The following PIK3AP1 variants were observed in gnomAD, a reference collection of about 807,000 sequenced individuals.
PIK3AP1 encodes phosphoinositide-3-kinase adaptor protein 1.
PIK3AP1 carries 21 observed loss-of-function variants against 88.1 expected under a neutral mutation model. That is an observed-to-expected ratio of 0.24 (90% CI 0.17 to 0.34). The LOEUF is 0.34. Among genes scored for constraint, PIK3AP1 ranks in the 10% least tolerant of loss-of-function variants. The pLI is 1.00. For synonymous variants in PIK3AP1, 398 were observed against 400.0 expected, an observed-to-expected ratio of 1.00 and a Z score of 0.06; for missense variants, 828 against 1,035.7, an observed-to-expected ratio of 0.80 and a Z score of 2.75.
intron 10 of PIK3AP1, among the ~76,000 whole-genome samples, chr10:96,626,247 T>A (rs1311624197): frequency 6.6e-6 from 1 of 152,172 alleles, no homozygotes; most frequent in South Asian, 2.1e-4. Context: ...ACTCCCTGAT[T>A]TTGGCTTTGC....
intron 8 of PIK3AP1, 137 bp from the exon 9 acceptor site, chr10:96,628,630 T>A (rs2134209063): frequency 1.4e-6 from 1 of 731,918 alleles, no homozygotes; most frequent in South Asian, 1.7e-5. Flanking sequence ...CCTCCATCCA[T>A]CCACCTACTC....
intron 11 of PIK3AP1, chr10:96,621,712 T>C (rs1843086482): frequency 6.6e-6 from 1 of 152,296 alleles, no homozygotes; most frequent in African/African-American, 2.4e-5. Flanking sequence ...CACCATTTGG[T>C]GTTTTCTTGA....
At chr10:96,598,655 T>G (rs947683086) in intron 16 of PIK3AP1, among the ~76,000 whole-genome samples, 3 of 152,042 alleles carry the variant, frequency 2.0e-5, no homozygotes, top group Non-Finnish European at 2.9e-5. Flanking sequence ...ATTATTAGAG[T>G]ATAGAATATA....
intron 2 of PIK3AP1, among the ~76,000 whole-genome samples, chr10:96,657,208 C>A (rs1843626985): frequency 1.3e-5 from 2 of 152,112 alleles, no homozygotes; most frequent in South Asian, 4.1e-4. Flanking sequence ...TAGTCTTAAC[C>A]AATGGGTTTC....
chr10:96,689,392 G>A lies in PIK3AP1; in HGVS notation c.430+20175C>T, dbSNP rs201641307. Among the ~76,000 whole-genome samples, 31 of 150,406 alleles carry A rather than the reference G, an allele frequency of 2.1e-4. No homozygotes were observed. The East Asian group carries it at 3.1e-3, about 15-fold the overall frequency. ...ATCCTGGCTAACATGATGAAACCCC[G>A]TCTCTACTAAAAATACAAAAAAAAA... On this transcript the variant is annotated intron_variant, in intron 2 of 16. Transcript: ENST00000339364.
intron 2 of PIK3AP1, among the ~76,000 whole-genome samples, chr10:96,668,062 A>C (rs1843790354): frequency 6.6e-6 from 1 of 152,234 alleles, no homozygotes; most frequent in African/African-American, 2.4e-5. Context: ...GAATTGACTT[A>C]AAGAAAATAT....
intron 2 of PIK3AP1, among the ~76,000 whole-genome samples, chr10:96,690,438 T>A (rs1286762423): frequency 6.6e-6 from 1 of 151,534 alleles, no homozygotes. Context: ...AATTTTTTAT[T>A]TTTTTTGTAG....
chr10:96,601,552 G>T (rs1848895956), intron 16 of PIK3AP1, among the ~76,000 whole-genome samples: 1 of 151,306 alleles, frequency 6.6e-6, no homozygotes, highest in Non-Finnish European at 1.5e-5. Context: ...AGCTGCTGGA[G>T]ACTTGACCCC....
At chr10:96,637,347 C>CAT (rs1199694247) in intron 8 of PIK3AP1, among the ~76,000 whole-genome samples, 5 of 151,140 alleles carry the variant, frequency 3.3e-5, no homozygotes, top group Non-Finnish European at 7.4e-5. Context: ...CACACACACA[C>CAT]ACACACACAC....
chr10:96,633,090 C>G (rs1843268373), intron 8 of PIK3AP1: 4 of 1,549,242 alleles, frequency 2.6e-6, no homozygotes, highest in Non-Finnish European at 3.5e-6. Context: ...CTCATAGCAA[C>G]TCCAGAGGCG....
In PIK3AP1 at chr10:96,609,867, T is replaced by G; in HGVS notation, c.2015A>C (p.Asp672Ala). The G allele has an allele frequency of 6.2e-7, 1 of 1,613,912 alleles. No individual in the cohort carries two copies. The highest frequency in any genetic ancestry group is 2.2e-5 in the East Asian group (1 of 44,878). ...CCGAATTGGGACCGTGATCTCCAAG[T>G]CTGGAATTGGAGGAAAGAGGGATAA... is the stretch of plus-strand genomic sequence containing the variant. The part of the protein sequence containing the change: ...REKQKSGKQT[D>A]LEITVPIRHS... The change falls in exon 14 of 17, where the codon GAC (aspartate) becomes GCC (alanine). Residue 672 changes from aspartate to alanine, a missense_variant and splice_region_variant. Physicochemically the swap from Asp to Ala is moderately radical, Grantham distance 126. This residue lies in a region of PIK3AP1 where 191 missense variants were observed against 208.6 expected (regional missense o/e 0.92). Transcript: ENST00000339364.
At chr10:96,623,626 C>T (rs772759653) in intron 10 of PIK3AP1, 89 bp from the exon 11 acceptor site, 15 of 1,122,552 alleles carry the variant, frequency 1.3e-5, no homozygotes, top group South Asian at 5.3e-5. Flanking sequence ...CTAGGACCAC[C>T]GTATGTGGTT....
chr10:96,630,723 GC>G lies in PIK3AP1; in HGVS notation c.1376-2231del, dbSNP rs1407981279. Among the ~76,000 whole-genome samples, 8 of 152,078 alleles carry G rather than the reference GC, an allele frequency of 5.3e-5. No homozygotes were observed. In the East Asian group the frequency reaches 1.5e-3, roughly 29 times the overall value. ...CTGGGCATGGTGGTGCAGGCCTATA[GC>G]CCCATCTATTCAGGAGGCTGGGGTG... is the stretch of plus-strand genomic sequence containing the variant. On this transcript the variant is annotated intron_variant, in intron 8 of 16. Coordinates refer to ENST00000339364, the MANE Select transcript of PIK3AP1 (RefSeq NM_152309.3).
In PIK3AP1 at chr10:96,614,294, A is replaced by C. The variant is rs148504322; in HGVS notation, c.2014+2345T>G. On this transcript the variant is annotated intron_variant, in intron 13 of 16. Coordinates refer to ENST00000339364, the MANE Select transcript of PIK3AP1 (RefSeq NM_152309.3). ...AATGTCTCATTCCATCAAGGCTTCT[A>C]TCTTTGGGCGCATGGACTCTAGTTT... Among the ~76,000 whole-genome samples the C allele has an allele frequency of 3.0e-3, 454 of 152,200 alleles. 4 individuals are homozygous for C. Among genetic ancestry groups the C allele is most frequent in the African/African-American group, 0.011 (443 of 41,536 alleles).
Position 96,625,752 on chromosome 10 carries a change from T to C in PIK3AP1, c.1669+956A>G, listed in dbSNP as rs144381507. ...TCCAGAGCACAGATCTGGCAATTCT[T>C]ATTTATTCTTTTTTCAGACAGAGTC... On this transcript the variant is annotated intron_variant, in intron 10 of 16. Coordinates refer to ENST00000339364, the MANE Select transcript of PIK3AP1 (RefSeq NM_152309.3). Among the ~76,000 whole-genome samples, 653 of 152,154 alleles carry C rather than the reference T, an allele frequency of 4.3e-3. 5 individuals are homozygous for C. The highest frequency in any genetic ancestry group is 4.2e-3 in the Non-Finnish European group (288 of 67,978).
Position 96,609,739 on chromosome 10 carries a change from T to G in PIK3AP1, c.2143A>C (p.Lys715Gln), listed in dbSNP as rs746693358. Residue 715 changes from lysine to glutamine, a missense_variant, in exon 14 of 17, where the codon AAA becomes CAA. Coordinates refer to ENST00000339364, the MANE Select transcript of PIK3AP1 (RefSeq NM_152309.3). ...PRTELRRGDW[K>Q]TDSTSSTASS... ...GCTGTGCTGGAGGTGCTGTCTGTTT[T>G]CCAGTCTCCTCGTCTCAGCTCCGTC... 6.8e-6 allele frequency: 11 copies of G among 1,613,950 alleles called. No individual in the cohort carries two copies. The highest frequency in any genetic ancestry group is 1.6e-4 in the Middle Eastern group (1 of 6,080).
intron 13 of PIK3AP1, among the ~76,000 whole-genome samples, chr10:96,614,439 A>G (rs896478222): frequency 6.6e-6 from 1 of 151,456 alleles, no homozygotes; most frequent in African/African-American, 2.4e-5. Context: ...AACCAGGAGG[A>G]CAGACAAGTG....
chr10:96,610,742 A>G (rs1195476341), intron 13 of PIK3AP1, among the ~76,000 whole-genome samples: 1 of 152,100 alleles, frequency 6.6e-6, no homozygotes, highest in Non-Finnish European at 1.5e-5. Flanking sequence ...TCCTCCCTAC[A>G]TTTCCAATGC....
At chr10:96,613,218 C>G (rs1025754569) in intron 13 of PIK3AP1, among the ~76,000 whole-genome samples, 1 of 151,692 alleles carries the variant, frequency 6.6e-6, no homozygotes, top group Non-Finnish European at 1.5e-5. Flanking sequence ...AGGCTGCTCT[C>G]GAACTCCTGG....
Sources: allele counts gnomAD v4.1 joint callset (sites outside exome capture counted in the v4.1 genomes callset), GRCh38; gene constraint gnomAD v4.1.1; regional missense constraint gnomAD v4.1.1; transcripts MANE v1.5; gene names NCBI Gene and HGNC (gene_info 2026-07-23, HGNC 2026-07-21).